Variants in GPD2 observed in about 807,000 individuals in gnomAD.
GPD2 encodes the protein glycerol-3-phosphate dehydrogenase, mitochondrial.
In GPD2, 54 loss-of-function variants were observed where a neutral mutation model predicts 82.4. The observed-to-expected ratio is 0.66, with a 90% confidence interval of 0.53 to 0.82. GPD2 has a LOEUF of 0.82. Among genes scored for constraint, GPD2 ranks in the 40% least tolerant of loss-of-function variants. The pLI is 0.00. For synonymous variants in GPD2, 288 were observed against 306.1 expected (o/e 0.94, Z 0.62); for missense variants, 748 against 896.2 (o/e 0.83, Z 2.11).
chr2:156,417,939 G>A, the GPD2 span, among the ~76,000 whole-genome samples: 5 of 152,158 alleles, frequency 3.3e-5, no homozygotes. Flanking sequence ...ACATTAGGCT[G>A]GGTGCCATGG....
chr2:156,485,463 C>G (rs13391591), intron 2 of GPD2, among the ~76,000 whole-genome samples: 140,861 of 152,274 alleles, frequency 0.93, 65,903 homozygotes, highest in South Asian at 1. Flanking sequence ...TGTAAATGAT[C>G]ATGCCTCATC....
chr2:156,415,875 G>GCCTCCAGTCTCAT, the GPD2 span, among the ~76,000 whole-genome samples: 3 of 99,826 alleles, frequency 3.0e-5, no homozygotes, highest in Admixed American at 9.9e-5. Flanking sequence ...AAATAAAATA[G>GCCTCCAGTCTCAT]CCGGGCGTAG....
Position 156,456,586 on chromosome 2 carries a change from A to T in GPD2, c.-8-19512A>T, listed in dbSNP as rs146024636. On this transcript the variant is annotated intron_variant, in intron 1 of 16. Transcript: ENST00000438166. ...GCTCCAGCCTGGGCAACGGAGTGCGACTCTGTCTCAAAAAAAAAAAAAGTT... is the reference window on the plus strand; with the variant it reads ...GCTCCAGCCTGGGCAACGGAGTGCGTCTCTGTCTCAAAAAAAAAAAAAGTT... Among the ~76,000 whole-genome samples the T allele has an allele frequency of 3.3e-5, 5 of 150,492 alleles. No individual in the cohort carries two copies. In the East Asian group the frequency reaches 9.8e-4, roughly 29 times the overall value.
intron 1 of GPD2, among the ~76,000 whole-genome samples, chr2:156,474,518 G>T (rs1683437818): frequency 6.6e-6 from 1 of 152,154 alleles, no homozygotes; most frequent in Non-Finnish European, 1.5e-5. Context: ...AGGAAATAGG[G>T]TAGTGGCTTC....
At chr2:156,543,330 A>G (rs1173673585) in intron 6 of GPD2, among the ~76,000 whole-genome samples, 1 of 152,214 alleles carries the variant, frequency 6.6e-6, no homozygotes, top group African/African-American at 2.4e-5. Flanking sequence ...TCATATTTGA[A>G]TATCTGCTAG....
At chr2:156,408,902 T>G in the GPD2 span, among the ~76,000 whole-genome samples, 3 of 152,122 alleles carry the variant, frequency 2.0e-5, no homozygotes, top group African/African-American at 7.2e-5. Context: ...AAATATGACC[T>G]TATTTGGAAA....
At chr2:156,542,747 T>G (rs1001069722) in intron 6 of GPD2, among the ~76,000 whole-genome samples, 15 of 152,190 alleles carry the variant, frequency 9.9e-5, no homozygotes, top group Non-Finnish European at 1.9e-4. Flanking sequence ...ATTGCCTCCT[T>G]TATGAATTTT....
intron 1 of GPD2, among the ~76,000 whole-genome samples, chr2:156,467,158 C>T (rs1683178457): frequency 6.6e-6 from 1 of 151,108 alleles, no homozygotes; most frequent in South Asian, 2.1e-4. Flanking sequence ...AAATTGTTTA[C>T]TTTCTCTTGG....
chr2:156,577,588 T>C (rs1434594220), intron 13 of GPD2, among the ~76,000 whole-genome samples: 1 of 152,202 alleles, frequency 6.6e-6, no homozygotes, highest in Non-Finnish European at 1.5e-5. Flanking sequence ...GTATGTGTCA[T>C]TGCTTCATTT....
chr2:156,453,910 A>T (rs1682702265), intron 1 of GPD2, among the ~76,000 whole-genome samples: 1 of 152,244 alleles, frequency 6.6e-6, no homozygotes, highest in East Asian at 1.9e-4. Flanking sequence ...AGAAAACTGC[A>T]ATGATGAAGA....
intron 3 of GPD2, among the ~76,000 whole-genome samples, chr2:156,496,911 C>G (rs915801150): frequency 6.6e-6 from 1 of 151,756 alleles, no homozygotes; most frequent in African/African-American, 2.4e-5. Context: ...TTAGTTCATG[C>G]GAATAAATAA....
At chr2:156,561,505 C>T (rs1342878490) in intron 9 of GPD2, among the ~76,000 whole-genome samples, 2 of 152,046 alleles carry the variant, frequency 1.3e-5, no homozygotes, top group Non-Finnish European at 2.9e-5. Context: ...GTAAGCTTAT[C>T]AATTCATTTC....
chr2:156,532,139 C>T (rs1012948865), intron 6 of GPD2, among the ~76,000 whole-genome samples: 1 of 152,068 alleles, frequency 6.6e-6, no homozygotes, highest in Admixed American at 6.5e-5. Context: ...CTAAGACTAT[C>T]GTTGTGCACC....
the GPD2 span, among the ~76,000 whole-genome samples, chr2:156,421,508 A>G: frequency 6.6e-6 from 1 of 152,272 alleles, no homozygotes; most frequent in African/African-American, 2.4e-5. Flanking sequence ...GGATCATGAA[A>G]ATGTGCGTGT....
chr2:156,496,872 G>C (rs1422328653), intron 3 of GPD2, among the ~76,000 whole-genome samples: 1 of 148,386 alleles, frequency 6.7e-6, no homozygotes, highest in Non-Finnish European at 1.5e-5. Flanking sequence ...CATCTCTTCA[G>C]TGAAATATGG....
chr2:156,509,328 A>G (rs1684899352), intron 3 of GPD2, among the ~76,000 whole-genome samples: 1 of 152,178 alleles, frequency 6.6e-6, no homozygotes, highest in African/African-American at 2.4e-5. Context: ...TGGGTACGAT[A>G]TTTAAACTGT....
intron 13 of GPD2, among the ~76,000 whole-genome samples, chr2:156,576,276 A>T (rs1323585721): frequency 6.6e-6 from 1 of 152,214 alleles, no homozygotes; most frequent in Non-Finnish European, 1.5e-5. Context: ...GGTACTTGCC[A>T]GATCTCTGTT....
the GPD2 span, among the ~76,000 whole-genome samples, chr2:156,423,838 C>T: frequency 6.6e-6 from 1 of 152,232 alleles, no homozygotes; most frequent in Non-Finnish European, 1.5e-5. Flanking sequence ...CCGATCTCCA[C>T]TGCCCTTTAT....
chr2:156,475,578 T>C (rs1480111336), intron 1 of GPD2, among the ~76,000 whole-genome samples: 1 of 152,176 alleles, frequency 6.6e-6, no homozygotes, highest in African/African-American at 2.4e-5. Context: ...CTTTTGGCTG[T>C]AGTGAAAACT....
Sources: gnomAD v4.1 joint callset for allele counts (sites outside exome capture counted in the v4.1 genomes callset) on GRCh38, gnomAD v4.1.1 for gene constraint, MANE v1.5 for transcripts, NCBI Gene and HGNC (gene_info 2026-07-23, HGNC 2026-07-21) for gene names.